TRPM3: variants seen among roughly 807,000 people sequenced by gnomAD.
TRPM3 encodes the protein transient receptor potential cation channel subfamily M member 3, also known as long transient receptor potential channel 3.
TRPM3 carries 77 observed loss-of-function variants against 181.2 expected under a neutral mutation model. The ratio of observed to expected loss-of-function variants is 0.42; its 90% CI spans 0.35 to 0.51. The LOEUF (loss-of-function observed/expected upper bound fraction) is 0.51. Among genes scored for constraint, TRPM3 ranks in the 20% least tolerant of loss-of-function variants. The pLI is 0.01. For missense variants in TRPM3, 1,759 were observed against 2,196.7 expected (o/e 0.80, Z 3.98); for synonymous variants, 745 against 796.4 (o/e 0.94, Z 1.09).
chr9:71,374,531 C>G (rs1042645027), intron 1 of TRPM3, among the ~76,000 whole-genome samples: 4 of 152,130 alleles, frequency 2.6e-5, no homozygotes, highest in Non-Finnish European at 4.4e-5. Flanking sequence ...CCTCGAGAAC[C>G]AGCACAAGAC....
intron 24 of TRPM3, among the ~76,000 whole-genome samples, chr9:70,552,173 C>A (rs1013312528): frequency 2.6e-5 from 4 of 152,002 alleles, no homozygotes; most frequent in African/African-American, 9.7e-5. Context: ...AGCGTGGTAC[C>A]CAAAGGGTAT....
At chr9:70,928,383 G>C (rs1470973642) in intron 1 of TRPM3, among the ~76,000 whole-genome samples, 1 of 152,092 alleles carries the variant, frequency 6.6e-6, no homozygotes, top group Non-Finnish European at 1.5e-5. Context: ...GTGATCCTAG[G>C]GACAGTCAGA....
intron 1 of TRPM3, among the ~76,000 whole-genome samples, chr9:71,296,250 T>C (rs1249722924): frequency 6.6e-6 from 1 of 152,128 alleles, no homozygotes; most frequent in African/African-American, 2.4e-5. Context: ...GAGATTATTA[T>C]TCTAGATGCC....
intron 3 of TRPM3, among the ~76,000 whole-genome samples, chr9:70,854,652 T>G (rs2095337236): frequency 6.6e-6 from 1 of 152,176 alleles, no homozygotes; most frequent in Admixed American, 6.5e-5. Flanking sequence ...TCTTTATCCA[T>G]GGCCTTTAGT....
chr9:70,669,747 CT>C (rs71367212), intron 9 of TRPM3, among the ~76,000 whole-genome samples: 1,659 of 138,348 alleles, frequency 0.012, 17 homozygotes, highest in African/African-American at 0.03. Context: ...TCTTTCTTTT[CT>C]TTTTTTTTTT....
At chr9:71,395,453 A>T (rs937227814) in intron 1 of TRPM3, among the ~76,000 whole-genome samples, 12 of 152,230 alleles carry the variant, frequency 7.9e-5, no homozygotes, top group Admixed American at 6.5e-4. Flanking sequence ...GATAGTACAA[A>T]AACTTTAGAC....
chr9:70,899,408 C>G (rs2096348123), intron 1 of TRPM3, among the ~76,000 whole-genome samples: 1 of 152,090 alleles, frequency 6.6e-6, no homozygotes, highest in African/African-American at 2.4e-5. Context: ...CATTCTGAAC[C>G]CTTTTCTATC....
At chr9:70,774,190 C>CT (rs986566090) in intron 7 of TRPM3, 30 of 152,854 alleles carry the variant, frequency 2.0e-4, no homozygotes, top group Admixed American at 1.7e-3. Flanking sequence ...CACTTACACT[C>CT]TAATTTTTTT....
chr9:71,335,944 G>A (rs2090525071), intron 1 of TRPM3, among the ~76,000 whole-genome samples: 3 of 152,078 alleles, frequency 2.0e-5, no homozygotes, highest in African/African-American at 7.2e-5. Context: ...TGGAGTCCGT[G>A]AGATTGATCA....
At chr9:70,750,326 G>T (rs1193933539) in intron 8 of TRPM3, among the ~76,000 whole-genome samples, 1 of 152,186 alleles carries the variant, frequency 6.6e-6, no homozygotes, top group Admixed American at 6.5e-5. Context: ...TAATTGAAGT[G>T]TGGGGATTCA....
At chr9:71,007,785 T>C (rs1036629949) in intron 1 of TRPM3, among the ~76,000 whole-genome samples, 3 of 152,110 alleles carry the variant, frequency 2.0e-5, no homozygotes, top group Non-Finnish European at 4.4e-5. Flanking sequence ...TCAAACACTT[T>C]TGCTGTAGAG....
intron 1 of TRPM3, among the ~76,000 whole-genome samples, chr9:71,004,438 C>T (rs74833458): frequency 0.011 from 1,600 of 152,292 alleles, 33 homozygotes; most frequent in African/African-American, 0.037. Flanking sequence ...GGGAAGCAAC[C>T]GCAGAATGGC....
chr9:71,212,946 G>A (rs944385749), intron 1 of TRPM3, among the ~76,000 whole-genome samples: 1 of 152,064 alleles, frequency 6.6e-6, no homozygotes, highest in Non-Finnish European at 1.5e-5. Context: ...AAGAACAAAG[G>A]CAATGGTAAA....
At chr9:71,086,981 A>G (rs1427442911) in intron 1 of TRPM3, among the ~76,000 whole-genome samples, 2 of 151,970 alleles carry the variant, frequency 1.3e-5, no homozygotes, top group African/African-American at 4.8e-5. Context: ...TTATTTCCTT[A>G]TGAAACTACC....
At chr9:70,940,826 A>T (rs2096878942) in intron 1 of TRPM3, among the ~76,000 whole-genome samples, 1 of 152,146 alleles carries the variant, frequency 6.6e-6, no homozygotes, top group African/African-American at 2.4e-5. Flanking sequence ...TGCCTTGAGG[A>T]GAGAAAGAAC....
At chr9:71,336,179 GAAA>G (rs796477216) in intron 1 of TRPM3, among the ~76,000 whole-genome samples, 2 of 117,954 alleles carry the variant, frequency 1.7e-5, no homozygotes, top group Admixed American at 8.8e-5. Flanking sequence ...CAAACTGTCC[GAAA>G]AAAAAAAAAA....
chr9:70,600,929 A>T (rs1406407792), intron 20 of TRPM3, among the ~76,000 whole-genome samples: 2 of 152,154 alleles, frequency 1.3e-5, no homozygotes, highest in Non-Finnish European at 2.9e-5. Flanking sequence ...AAGAGATGAG[A>T]GCAGAACAGT....
intron 1 of TRPM3, among the ~76,000 whole-genome samples, chr9:71,397,985 A>C (rs1402964025): frequency 3.9e-5 from 6 of 152,178 alleles, no homozygotes; most frequent in Non-Finnish European, 7.3e-5. Flanking sequence ...CCTCCTGGCA[A>C]CTTTAACCAG....
chr9:70,635,398 G>T, intron 11 of TRPM3, 137 bp from the exon 12 acceptor site: 1 of 585,580 alleles, frequency 1.7e-6, no homozygotes, highest in Non-Finnish European at 3.0e-6. Context: ...GTTGCTCAGT[G>T]TATCTGCCTT....
Sources: allele counts gnomAD v4.1 joint callset (sites outside exome capture counted in the v4.1 genomes callset), GRCh38; gene constraint gnomAD v4.1.1; transcripts MANE v1.5; gene names NCBI Gene and HGNC (gene_info 2026-07-23, HGNC 2026-07-21).